OXR1: variants seen among roughly 807,000 people sequenced by gnomAD.
The protein encoded by OXR1 is oxidation resistance 1.
In OXR1, 41 loss-of-function variants were observed where a neutral mutation model predicts 104.6. The observed-to-expected ratio is 0.39, with a 90% CI of 0.31 to 0.51. The LOEUF is 0.51. OXR1 is among the 20% of genes least tolerant of loss of function. OXR1 has a pLI of 0.77. For synonymous variants in OXR1, 348 were observed against 348.4 expected, an observed-to-expected ratio of 1.00 and a Z score of 0.01; for missense variants, 955 against 1,031.9, an observed-to-expected ratio of 0.93 and a Z score of 1.02.
chr8:106,464,900 TTCATTCATTCAA>T (rs1821095245), intron 2 of OXR1, among the ~76,000 whole-genome samples: 1 of 151,976 alleles, frequency 6.6e-6, no homozygotes, highest in African/African-American at 2.4e-5. Context: ...TTTATACTCA[TTCATTCATTCAA>T]TGAGCATTTA....
At chr8:106,538,390 C>T (rs1357833789) in intron 3 of OXR1, among the ~76,000 whole-genome samples, 1 of 152,150 alleles carries the variant, frequency 6.6e-6, no homozygotes, top group East Asian at 1.9e-4. Context: ...CTAAATAAAG[C>T]TCAAAATAAC....
In OXR1 at chr8:106,410,947, T is replaced by A. The variant is rs186045724; in HGVS notation, c.23+51311T>A. Reference sequence around the variant, plus strand: ...TTCATCCAATTATTCACCTTTTTATTGATTTAATACACCATTATTGAGTTT... The same window carrying A: ...TTCATCCAATTATTCACCTTTTTATAGATTTAATACACCATTATTGAGTTT... On this transcript the variant is annotated intron_variant, in intron 2 of 16. Transcript: ENST00000517566. 5.9e-5 allele frequency among the ~76,000 whole-genome samples: 9 copies of A among 152,276 alleles called. No homozygotes were observed. The East Asian group carries it at 1.7e-3, about 29-fold the overall frequency.
chr8:106,479,438 A>G lies in OXR1; in HGVS notation c.24-39505A>G, dbSNP rs74570415. Reference sequence around the variant, plus strand: ...ATTGCCTTCTGTAGTATAACTTTGGATTTTCTCTACTGCTAATAGGAAACA... The same window carrying G: ...ATTGCCTTCTGTAGTATAACTTTGGGTTTTCTCTACTGCTAATAGGAAACA... On this transcript the variant is annotated intron_variant, in intron 2 of 16. Transcript: ENST00000517566. 1.7e-3 allele frequency among the ~76,000 whole-genome samples: 258 copies of G among 151,948 alleles called. 1 individual carries two copies. In the East Asian group the frequency reaches 0.047, roughly 27 times the overall value.
intron 1 of OXR1, among the ~76,000 whole-genome samples, chr8:106,326,657 G>A (rs1024864677): frequency 1.1e-4 from 17 of 152,158 alleles, no homozygotes; most frequent in African/African-American, 4.1e-4. Context: ...AGAGCCATGT[G>A]AATATAGGGC....
chr8:106,394,004 A>C (rs939010327), intron 2 of OXR1, among the ~76,000 whole-genome samples: 4 of 152,100 alleles, frequency 2.6e-5, no homozygotes, highest in African/African-American at 9.7e-5. Context: ...AATGGGACAC[A>C]AATTTTAGGG....
At chr8:106,555,244 T>C (rs1052755599) in intron 3 of OXR1, among the ~76,000 whole-genome samples, 46 of 152,248 alleles carry the variant, frequency 3.0e-4, no homozygotes, top group African/African-American at 1.1e-3. Flanking sequence ...ATGCAAGTCA[T>C]GGGTGAGAAC....
intron 2 of OXR1, among the ~76,000 whole-genome samples, chr8:106,381,523 C>A (rs1233922143): frequency 6.6e-6 from 1 of 152,072 alleles, no homozygotes; most frequent in Non-Finnish European, 1.5e-5. Context: ...ACAGAACTCA[C>A]AGGGAGCTGT....
chr8:106,386,972 A>T (rs1176083194), intron 2 of OXR1, among the ~76,000 whole-genome samples: 1 of 152,228 alleles, frequency 6.6e-6, no homozygotes, highest in East Asian at 1.9e-4. Context: ...AGCAGGAGAA[A>T]TAGTGATGAA....
intron 3 of OXR1, among the ~76,000 whole-genome samples, chr8:106,582,975 G>T (rs1357527322): frequency 6.6e-6 from 1 of 152,088 alleles, no homozygotes; most frequent in Non-Finnish European, 1.5e-5. Flanking sequence ...CATTTCCATT[G>T]CTTCTCTACT....
intron 1 of OXR1, among the ~76,000 whole-genome samples, chr8:106,287,299 A>T (rs1219772283): frequency 1.3e-5 from 2 of 152,198 alleles, no homozygotes; most frequent in Non-Finnish European, 2.9e-5. Flanking sequence ...ATTAAGATTC[A>T]CTTTATCTTA....
intron 3 of OXR1, among the ~76,000 whole-genome samples, chr8:106,552,259 A>G (rs1815899925): frequency 6.6e-6 from 1 of 151,990 alleles, no homozygotes; most frequent in South Asian, 2.1e-4. Flanking sequence ...GATCAAGTAC[A>G]TGGCAGAAAT....
intron 1 of OXR1, among the ~76,000 whole-genome samples, chr8:106,332,852 G>A (rs1386403357): frequency 6.6e-6 from 1 of 151,914 alleles, no homozygotes; most frequent in Non-Finnish European, 1.5e-5. Context: ...TATCTCTATG[G>A]ATTTGTCCTA....
At chr8:106,437,458 A>G (rs80319968) in intron 2 of OXR1, among the ~76,000 whole-genome samples, 6,119 of 152,254 alleles carry the variant, frequency 0.04, 169 homozygotes, top group Middle Eastern at 0.095. Context: ...TTTTACACCA[A>G]TGCAACTGGT....
At chr8:106,482,351 G>A (rs573316349) in intron 2 of OXR1, among the ~76,000 whole-genome samples, 114 of 151,146 alleles carry the variant, frequency 7.5e-4, no homozygotes, top group Non-Finnish European at 1.4e-3. Context: ...AAATGTTTTA[G>A]CAATGAGTGA....
At chr8:106,589,698 C>T (rs1467855926) in intron 3 of OXR1, among the ~76,000 whole-genome samples, 8 of 152,126 alleles carry the variant, frequency 5.3e-5, no homozygotes, top group African/African-American at 1.9e-4. Flanking sequence ...GATGGAGTTT[C>T]GCTTGTTGCC....
Position 106,439,822 on chromosome 8 carries a change from C to T in OXR1, c.24-79121C>T, listed in dbSNP as rs148652530. 1.6e-4 allele frequency among the ~76,000 whole-genome samples: 24 copies of T among 151,974 alleles called. No individual in the cohort carries two copies. The East Asian group carries it at 3.9e-3, about 25-fold the overall frequency. On this transcript the variant is annotated intron_variant, in intron 2 of 16. Coordinates refer to ENST00000517566, the MANE Select transcript of OXR1 (RefSeq NM_001198533.2). ...AAATTCATTGAATGAATGAGAAACCCGATATAAATACTTACTTGAAGAATA... is the reference window on the plus strand; with the variant it reads ...AAATTCATTGAATGAATGAGAAACCTGATATAAATACTTACTTGAAGAATA...
At chr8:106,579,468 A>G (rs569026222) in intron 3 of OXR1, among the ~76,000 whole-genome samples, 15 of 152,274 alleles carry the variant, frequency 9.9e-5, no homozygotes, top group Admixed American at 2.0e-4. Flanking sequence ...CTGAACTGAG[A>G]GAATTAGGTG....
intron 3 of OXR1, among the ~76,000 whole-genome samples, chr8:106,554,781 T>G (rs1404368498): frequency 1.3e-5 from 2 of 152,176 alleles, no homozygotes; most frequent in African/African-American, 4.8e-5. Flanking sequence ...TGACCTTGGT[T>G]GTCCATTAGA....
intron 7 of OXR1, among the ~76,000 whole-genome samples, chr8:106,694,110 T>C (rs961432098): frequency 1.3e-5 from 2 of 152,052 alleles, no homozygotes; most frequent in Non-Finnish European, 2.9e-5. Flanking sequence ...TTCTGTGTGA[T>C]CAGAGAACAC....
Sources: allele counts gnomAD v4.1 joint callset (sites outside exome capture counted in the v4.1 genomes callset), GRCh38; gene constraint gnomAD v4.1.1; transcripts MANE v1.5; gene names NCBI Gene and HGNC (gene_info 2026-07-23, HGNC 2026-07-21).